FBXO17: variants seen among roughly 807,000 people sequenced by gnomAD.
FBXO17 encodes F-box only protein 17.
In FBXO17, 43 loss-of-function variants were observed where a neutral mutation model predicts 34.1. The ratio of observed to expected loss-of-function variants is 1.26; its 90% CI spans 0.99 to 1.62. FBXO17 has a LOEUF of 1.62. Ranked by LOEUF, FBXO17 falls within the 40% of genes most tolerant of loss-of-function variation. The probability of loss-of-function intolerance (pLI) is 0.00; values close to 1 mark genes in which losing one functional copy is unlikely to be tolerated. For synonymous variants in FBXO17, 169 were observed against 166.0 expected, an observed-to-expected ratio of 1.02 and a Z score of -0.14; for missense variants, 424 against 386.7, an observed-to-expected ratio of 1.10 and a Z score of -0.81.
intron 1 of FBXO17, among the ~76,000 whole-genome samples, chr19:38,951,868 C>G (rs933167195): frequency 8.6e-5 from 13 of 151,888 alleles, no homozygotes; most frequent in African/African-American, 3.1e-4. Context: ...ATGCTAGTCT[C>G]GAACTCCAGA....
intron 1 of FBXO17, among the ~76,000 whole-genome samples, chr19:38,968,814 A>T (rs1180325296): frequency 1.3e-5 from 2 of 152,222 alleles, no homozygotes; most frequent in East Asian, 1.9e-4. Context: ...ATATTATATG[A>T]TGTGCTTCTA....
At chr19:38,950,362 C>T (rs1002087417) in intron 1 of FBXO17, 26 bp from the exon 2 acceptor site, 2 of 1,394,276 alleles carry the variant, frequency 1.4e-6, no homozygotes, top group African/African-American at 1.5e-5. Context: ...GGTCGGTAGG[C>T]GGGTCAGCGC....
intron 5 of FBXO17, 141 bp downstream of exon 5, chr19:38,944,828 G>T (rs1213143528): frequency 2.5e-6 from 3 of 1,199,922 alleles, no homozygotes; most frequent in African/African-American, 1.5e-5. Flanking sequence ...ACAGGGCTTG[G>T]GATGTAAGAA....
chr19:38,946,608 G>A, intron 3 of FBXO17, 41 bp from the exon 4 acceptor site: 1 of 1,569,184 alleles, frequency 6.4e-7, no homozygotes. Context: ...AAACAGTCCT[G>A]GCATTCAAGT....
intron 3 of FBXO17, chr19:38,946,772 C>CCTGGAGCCCGCAGCAGGGT: frequency 1.5e-6 from 1 of 670,150 alleles, no homozygotes; most frequent in Non-Finnish European, 2.5e-6. Context: ...CACCCTGCTG[C>CCTGGAGCCCGCAGCAGGGT]GGGCTCCAGG....
chr19:38,967,877 A>C (rs1369233421), intron 1 of FBXO17, among the ~76,000 whole-genome samples: 1 of 152,116 alleles, frequency 6.6e-6, no homozygotes, highest in African/African-American at 2.4e-5. Flanking sequence ...GGAAATGCCA[A>C]TTAAATTCAC....
chr19:38,964,375 A>G (rs4803134), intron 1 of FBXO17, among the ~76,000 whole-genome samples: 63,930 of 151,548 alleles, frequency 0.42, 13,667 homozygotes, highest in South Asian at 0.59. Context: ...TCACCCTGTC[A>G]CCCAGGCTGG....
chr19:38,951,622 CAACT>C (rs1337867467), intron 1 of FBXO17, among the ~76,000 whole-genome samples: 2 of 151,288 alleles, frequency 1.3e-5, no homozygotes, highest in African/African-American at 4.9e-5. Context: ...TTCCTCCCAC[CAACT>C]GTCATCTCTC....
intron 1 of FBXO17, among the ~76,000 whole-genome samples, chr19:38,959,533 C>T (rs1027683801): frequency 6.7e-4 from 101 of 151,670 alleles, no homozygotes; most frequent in Admixed American, 2.4e-3. Flanking sequence ...GATCAGCCCA[C>T]CTTGGCCTCC....
chr19:38,950,491 C>T (rs910182202), intron 1 of FBXO17, among the ~76,000 whole-genome samples, 155 bp from the exon 2 acceptor site: 2 of 152,206 alleles, frequency 1.3e-5, no homozygotes, highest in African/African-American at 4.8e-5. Flanking sequence ...CTAGGCCTTT[C>T]CCAATCTTCC....
At chr19:38,949,829 G>A in intron 2 of FBXO17, 142 bp downstream of exon 2, 1 of 1,054,302 alleles carries the variant, frequency 9.5e-7, no homozygotes, top group South Asian at 1.7e-5. Context: ...TACCGCCCAG[G>A]CACTGCGTCC....
intron 1 of FBXO17, among the ~76,000 whole-genome samples, chr19:38,969,755 G>A (rs1195360804): frequency 3.3e-5 from 5 of 151,894 alleles, no homozygotes; most frequent in African/African-American, 1.2e-4. Flanking sequence ...CTGCCACCAT[G>A]CTCTGCTAAT....
intron 1 of FBXO17, among the ~76,000 whole-genome samples, chr19:38,972,511 C>T (rs1447620966): frequency 6.6e-6 from 1 of 150,724 alleles, no homozygotes; most frequent in African/African-American, 2.4e-5. Context: ...TGCCACTGCA[C>T]TGCAGCCTGG....
chr19:38,955,990 G>T (rs34537844), intron 1 of FBXO17, among the ~76,000 whole-genome samples: 28,540 of 151,932 alleles, frequency 0.19, 3,257 homozygotes, highest in South Asian at 0.33. Flanking sequence ...ATTAGTCCAG[G>T]CATGGTGGCT....
At chr19:38,965,596 T>A (rs1975309415) in intron 1 of FBXO17, among the ~76,000 whole-genome samples, 1 of 152,218 alleles carries the variant, frequency 6.6e-6, no homozygotes, top group South Asian at 2.1e-4. Context: ...AATCTCCACC[T>A]CCTGGGTTCA....
Position 38,950,193 on chromosome 19 carries a change from G to C in FBXO17, c.127C>G (p.Arg43Gly). Residue 43 changes from arginine (R) to glycine (G), a missense_variant, in exon 2 of 6, where the codon CGC becomes GGC. Transcript: ENST00000292852. ...TCGCGCCAGGCGCGGCACACTGGGC[G>C]GCATCGCGTGACCAAGGAGCGTGGC... ...VPPRSLVTRC[R>G]PVCRAWRDIV... The C allele has an allele frequency of 3.9e-6, 6 of 1,555,452 alleles. No individual in the cohort carries two copies. In the South Asian group the frequency reaches 5.9e-5, roughly 15 times the overall value.
intron 1 of FBXO17, among the ~76,000 whole-genome samples, chr19:38,960,415 A>G (rs1975231213): frequency 6.6e-6 from 1 of 152,012 alleles, no homozygotes; most frequent in South Asian, 2.1e-4. Flanking sequence ...ATCCTAGTCT[A>G]GCAGCTGAAG....
chr19:38,945,719 G>A (rs1332225155), intron 4 of FBXO17: 2 of 156,984 alleles, frequency 1.3e-5, no homozygotes, highest in Admixed American at 7.5e-5. Context: ...GTCCTGGGGT[G>A]GAACCAGAAC....
At position 38,946,516 on chromosome 19, in the gene FBXO17, C is replaced by G; in HGVS notation, c.513G>C (p.Gln171His). Reference protein sequence around the residue: ...LVDLVMEGVWQELLDSAQIEI... With the variant: ...LVDLVMEGVWHELLDSAQIEI... ...CAATCTGGGCGCTGTCCAGCAGCTC[C>G]TGCCACACCCCTTCCATCACCAGGT... Residue 171 changes from glutamine to histidine, a missense_variant, in exon 4 of 6, where the codon CAG (glutamine) becomes CAC (histidine). By Grantham distance (24) the Gln-to-His change is conservative (BLOSUM62 0). Transcript: ENST00000292852. The G allele has an allele frequency of 1.2e-6, 2 of 1,614,070 alleles. No homozygotes were observed. The highest frequency in any genetic ancestry group is 1.7e-6 in the Non-Finnish European group (2 of 1,179,938).
Sources: gnomAD v4.1 joint callset for allele counts (sites outside exome capture counted in the v4.1 genomes callset) on GRCh38, gnomAD v4.1.1 for gene constraint, MANE v1.5 for transcripts, NCBI Gene and HGNC (gene_info 2026-07-23, HGNC 2026-07-21) for gene names.